Variants in PDZRN4 observed in about 807,000 individuals in gnomAD.
PDZRN4 encodes PDZ domain containing ring finger 4.
A neutral mutation model predicts 99.0 loss-of-function variants in PDZRN4; 70 were observed. The ratio of observed to expected loss-of-function variants is 0.71; its 90% confidence interval spans 0.58 to 0.86. PDZRN4 has a LOEUF of 0.86. Ranked by LOEUF, PDZRN4 falls within the 40% of genes least tolerant of loss-of-function variation. The pLI is 0.00. For synonymous variants in PDZRN4, 551 were observed against 501.6 expected (o/e 1.10, Z -1.32); for missense variants, 1,474 against 1,331.2 (o/e 1.11, Z -1.67).
At chr12:41,506,848 C>T in intron 4 of PDZRN4, 136 bp downstream of exon 4, 2 of 946,948 alleles carry the variant, frequency 2.1e-6, no homozygotes, top group Non-Finnish European at 3.1e-6. Context: ...GAAAATGTCT[C>T]CCCTGTTTTG....
chr12:41,287,655 A>C (rs1386821382), intron 3 of PDZRN4, among the ~76,000 whole-genome samples: 1 of 152,184 alleles, frequency 6.6e-6, no homozygotes, highest in African/African-American at 2.4e-5. Context: ...TAGGCACTTC[A>C]CCATCTGAGG....
intron 3 of PDZRN4, among the ~76,000 whole-genome samples, chr12:41,441,106 C>T (rs534315994): frequency 2.2e-4 from 34 of 152,118 alleles, no homozygotes; most frequent in Non-Finnish European, 3.5e-4. Flanking sequence ...ATGGGATGTT[C>T]GTTGGTGTCC....
chr12:41,473,922 A>C (rs1953017321), intron 3 of PDZRN4, among the ~76,000 whole-genome samples: 1 of 152,196 alleles, frequency 6.6e-6, no homozygotes, highest in African/African-American at 2.4e-5. Context: ...TTTAGGAAAA[A>C]CCTTCACTGA....
intron 3 of PDZRN4, among the ~76,000 whole-genome samples, chr12:41,323,147 G>T (rs2120977580): frequency 6.6e-6 from 1 of 152,252 alleles, no homozygotes; most frequent in African/African-American, 2.4e-5. Context: ...ACGCCCAGCA[G>T]GATAAAGTTC....
intron 3 of PDZRN4, among the ~76,000 whole-genome samples, chr12:41,391,997 C>T (rs1952213916): frequency 6.6e-6 from 1 of 152,086 alleles, no homozygotes; most frequent in African/African-American, 2.4e-5. Context: ...TACAGGATAG[C>T]TTTATGCTAT....
At chr12:41,304,923 G>T (rs1256455192) in intron 3 of PDZRN4, among the ~76,000 whole-genome samples, 1 of 152,156 alleles carries the variant, frequency 6.6e-6, no homozygotes, top group East Asian at 1.9e-4. Context: ...TACATGGTTG[G>T]GTCTTGCAGT....
chr12:41,295,958 C>T (rs1287568260), intron 3 of PDZRN4, among the ~76,000 whole-genome samples: 1 of 151,974 alleles, frequency 6.6e-6, no homozygotes, highest in Non-Finnish European at 1.5e-5. Context: ...CAGGCACAGA[C>T]CATCCATTTC....
chr12:41,426,818 G>C (rs1458435344), intron 3 of PDZRN4, among the ~76,000 whole-genome samples: 2 of 152,172 alleles, frequency 1.3e-5, no homozygotes, highest in Non-Finnish European at 2.9e-5. Flanking sequence ...CTTACATGTA[G>C]ACTTAGAAGG....
chr12:41,573,718 AG>A lies in PDZRN4; in HGVS notation c.2942del (p.Gly981AlafsTer10), dbSNP rs771536950. 1 of 1,613,900 alleles carries A rather than the reference AG, an allele frequency of 6.2e-7. No individual in the cohort carries two copies. The highest frequency in any genetic ancestry group is 1.3e-5 in the African/African-American group (1 of 75,008). ...CLKESPQSGSEGKKEINIIEL... is the reference protein window; with the variant it reads ...CLKESPQSGSXGKKEINIIEL... ...AAGGAGAGCCCTCAGAGCGGCAGTGAGGGCAAGAAGGAGATCAATATCATTG... is the reference window on the plus strand; with the variant it reads ...AAGGAGAGCCCTCAGAGCGGCAGTGAGGCAAGAAGGAGATCAATATCATTG... On this transcript the variant is annotated frameshift_variant, in exon 10 of 10. Coordinates refer to ENST00000402685, the MANE Select transcript of PDZRN4 (RefSeq NM_001164595.2). LOFTEE classifies it high-confidence loss of function.
chr12:41,433,348 T>C (rs1952600957), intron 3 of PDZRN4, among the ~76,000 whole-genome samples: 1 of 152,126 alleles, frequency 6.6e-6, no homozygotes, highest in South Asian at 2.1e-4. Flanking sequence ...GAAAACTGAG[T>C]TCAGATGTCT....
chr12:41,286,353 T>C (rs1034089577), intron 3 of PDZRN4, among the ~76,000 whole-genome samples: 1 of 149,064 alleles, frequency 6.7e-6, no homozygotes, highest in African/African-American at 2.5e-5. Flanking sequence ...TTTTTTTTTT[T>C]TTTTTTGTTG....
intron 5 of PDZRN4, among the ~76,000 whole-genome samples, chr12:41,516,317 G>T (rs1219458314): frequency 2.6e-5 from 4 of 152,052 alleles, no homozygotes; most frequent in Non-Finnish European, 5.9e-5. Context: ...GGAGGGCCCA[G>T]CACATGCCCT....
chr12:41,555,653 G>A (rs1939145238), intron 6 of PDZRN4, 45 bp from the exon 7 acceptor site: 2 of 1,425,738 alleles, frequency 1.4e-6, no homozygotes, highest in East Asian at 2.3e-5. Flanking sequence ...GTTCTTGAGG[G>A]AATGTTTCAT....
chr12:41,230,839 A>G (rs1471838783), intron 3 of PDZRN4, among the ~76,000 whole-genome samples: 1 of 152,112 alleles, frequency 6.6e-6, no homozygotes, highest in African/African-American at 2.4e-5. Context: ...AGTCACATGC[A>G]TGGTAGTTCT....
In PDZRN4 at chr12:41,554,706, A is replaced by G. The variant is rs140827374; in HGVS notation, c.1303-992A>G. 3.2e-4 allele frequency among the ~76,000 whole-genome samples: 48 copies of G among 152,272 alleles called. 1 individual carries two copies. In the East Asian group the frequency reaches 9.3e-3, roughly 29 times the overall value. On this transcript the variant is annotated intron_variant, in intron 6 of 9. Transcript: ENST00000402685. Reference sequence around the variant, plus strand: ...CCCATTAAAATGCTGATAAGCTCCTAATACAGCCTTAAATATCTATACATT... The same window carrying G: ...CCCATTAAAATGCTGATAAGCTCCTGATACAGCCTTAAATATCTATACATT...
intron 3 of PDZRN4, among the ~76,000 whole-genome samples, chr12:41,336,606 C>T (rs1951776541): frequency 6.6e-6 from 1 of 152,080 alleles, no homozygotes; most frequent in Non-Finnish European, 1.5e-5. Flanking sequence ...AGGGGAATTG[C>T]AATGGAGAAA....
At chr12:41,402,124 T>C (rs1952294040) in intron 3 of PDZRN4, among the ~76,000 whole-genome samples, 1 of 39,692 alleles carries the variant, frequency 2.5e-5, no homozygotes, top group Non-Finnish European at 4.9e-5. Context: ...AGTATATATA[T>C]ATATATATAT....
intron 3 of PDZRN4, among the ~76,000 whole-genome samples, chr12:41,445,504 T>C (rs1157476045): frequency 6.6e-6 from 1 of 152,096 alleles, no homozygotes; most frequent in Non-Finnish European, 1.5e-5. Flanking sequence ...ACATTCATTT[T>C]ATATAAGTAG....
chr12:41,253,297 G>A (rs1591985969), intron 3 of PDZRN4, among the ~76,000 whole-genome samples: 1 of 152,138 alleles, frequency 6.6e-6, no homozygotes, highest in East Asian at 1.9e-4. Context: ...TAGTTTCATA[G>A]TTTCAGGATT....
Sources: gnomAD v4.1 joint callset for allele counts (sites outside exome capture counted in the v4.1 genomes callset) on GRCh38, gnomAD v4.1.1 for gene constraint, MANE v1.5 for transcripts, NCBI Gene and HGNC (gene_info 2026-07-23, HGNC 2026-07-21) for gene names.